RASEF: variants seen among roughly 807,000 people sequenced by gnomAD.
The protein encoded by RASEF is RAS and EF-hand domain containing, also known as ras and EF-hand domain-containing protein.
Under a neutral mutation model 90.1 loss-of-function variants are expected in RASEF, and 68 were observed. That is an observed-to-expected ratio of 0.75 (90% CI 0.62 to 0.92). The LOEUF is 0.92. Ranked by LOEUF, RASEF falls within the 40% of genes least tolerant of loss-of-function variation. The pLI is 0.00. For missense variants in RASEF, 949 were observed against 937.2 expected (o/e 1.01, Z -0.16); for synonymous variants, 331 against 345.2 (o/e 0.96, Z 0.46).
At chr9:83,027,303 A>T (rs1171210436) in intron 1 of RASEF, among the ~76,000 whole-genome samples, 2 of 152,124 alleles carry the variant, frequency 1.3e-5, no homozygotes, top group Admixed American at 1.3e-4. Context: ...TGATTACCTC[A>T]ATCTTCAGCT....
the RASEF span, among the ~76,000 whole-genome samples, chr9:83,212,428 A>G: frequency 6.6e-6 from 1 of 152,256 alleles, no homozygotes; most frequent in African/African-American, 2.4e-5. Context: ...TGGTCTGCCC[A>G]TGGAAAAGAA....
intron 1 of RASEF, 60 bp downstream of exon 1, chr9:83,062,377 G>C: frequency 1.3e-6 from 2 of 1,558,638 alleles, no homozygotes; most frequent in Non-Finnish European, 1.8e-6. Context: ...CTGCAAGTAA[G>C]TGGGAAGAAG....
At chr9:83,089,358 T>C in the RASEF span, among the ~76,000 whole-genome samples, 203 of 152,272 alleles carry the variant, frequency 1.3e-3, 8 homozygotes, top group East Asian at 0.037. Context: ...TATTTACCTA[T>C]GTAGTTACCT....
At position 83,062,823 on chromosome 9, in the gene RASEF, T is replaced by A; in HGVS notation, c.45A>T (p.Ser15=). 1 of 1,552,692 alleles carries A rather than the reference T, an allele frequency of 6.4e-7. No homozygotes were observed. The highest frequency in any genetic ancestry group is 8.6e-7 in the Non-Finnish European group (1 of 1,160,362). ...GDGEELARLR[S]VFAACDANRS... The stretch of plus-strand genomic sequence containing the variant: ...GGTTCGCGTCGCAGGCGGCGAAGAC[T>A]GAGCGCAGCCGGGCCAGCTCCTCTC... The change falls in exon 1 of 17, where the codon TCA becomes TCT. Residue 15 remains serine (S), a synonymous_variant. Coordinates refer to ENST00000376447, the MANE Select transcript of RASEF (RefSeq NM_152573.4).
At chr9:83,087,106 AAAG>A in the RASEF span, among the ~76,000 whole-genome samples, 1 of 152,206 alleles carries the variant, frequency 6.6e-6, no homozygotes. Context: ...ACCCAATAAG[AAAG>A]AAGTAGATGT....
chr9:83,166,400 G>T, the RASEF span, among the ~76,000 whole-genome samples: 1 of 152,108 alleles, frequency 6.6e-6, no homozygotes, highest in Non-Finnish European at 1.5e-5. Flanking sequence ...CTCCTGGCAA[G>T]AACTCTTAAT....
the RASEF span, among the ~76,000 whole-genome samples, chr9:83,084,970 G>A: frequency 6.6e-6 from 1 of 152,112 alleles, no homozygotes; most frequent in Non-Finnish European, 1.5e-5. Flanking sequence ...GAGCTGCATT[G>A]CTACACCTAG....
the RASEF span, among the ~76,000 whole-genome samples, chr9:83,133,791 C>T: frequency 1.3e-5 from 2 of 152,142 alleles, no homozygotes; most frequent in Non-Finnish European, 2.9e-5. Context: ...ATCAATAATA[C>T]TGATTTTCCC....
chr9:83,079,133 T>C, the RASEF span, among the ~76,000 whole-genome samples: 2 of 152,344 alleles, frequency 1.3e-5, 1 homozygote, highest in South Asian at 4.1e-4. Context: ...TGCCCATTCC[T>C]AGGTCCAGAA....
the RASEF span, among the ~76,000 whole-genome samples, chr9:83,186,112 G>A: frequency 1.8e-3 from 279 of 152,262 alleles, 2 homozygotes; most frequent in African/African-American, 6.5e-3. Context: ...TGAAACTAAC[G>A]GGAGTGGCTG....
chr9:83,124,520 G>A, the RASEF span, among the ~76,000 whole-genome samples: 22 of 152,110 alleles, frequency 1.4e-4, no homozygotes, highest in Admixed American at 5.2e-4. Flanking sequence ...AGATTTCAGG[G>A]TTAAGATGGT....
intron 1 of RASEF, among the ~76,000 whole-genome samples, chr9:83,055,935 C>T (rs2117888625): frequency 6.6e-6 from 1 of 152,222 alleles, no homozygotes; most frequent in East Asian, 1.9e-4. Flanking sequence ...TTCCACATCC[C>T]AGGTCCTTCA....
the RASEF span, among the ~76,000 whole-genome samples, chr9:83,212,100 G>A: frequency 6.6e-6 from 1 of 152,258 alleles, no homozygotes; most frequent in South Asian, 2.1e-4. Context: ...TCAGGGTCCA[G>A]TGAGAGATAT....
intron 1 of RASEF, among the ~76,000 whole-genome samples, chr9:83,038,783 T>C (rs1011342746): frequency 6.6e-6 from 1 of 152,222 alleles, no homozygotes; most frequent in Non-Finnish European, 1.5e-5. Context: ...TAAAATTATA[T>C]AATTTAAAGT....
chr9:82,982,811 G>A (rs527298340), intron 16 of RASEF, 29 bp from the exon 17 acceptor site: 68 of 484,072 alleles, frequency 1.4e-4, no homozygotes, highest in Middle Eastern at 9.8e-4. Flanking sequence ...GAGACAGAGA[G>A]AGAGAGAGAG....
chr9:83,180,495 TC>T, the RASEF span, among the ~76,000 whole-genome samples: 1 of 151,654 alleles, frequency 6.6e-6, no homozygotes, highest in Non-Finnish European at 1.5e-5. Flanking sequence ...TTTTTTTTTT[TC>T]AAAACATGAC....
chr9:83,144,412 G>GAAAGAAAGA, the RASEF span, among the ~76,000 whole-genome samples: 12 of 122,854 alleles, frequency 9.8e-5, no homozygotes, highest in African/African-American at 2.5e-4. Context: ...AAGAAAGAAA[G>GAAAGAAAGA]AAAGAAAAGA....
the RASEF span, among the ~76,000 whole-genome samples, chr9:83,119,321 A>T: frequency 6.6e-6 from 1 of 152,000 alleles, no homozygotes; most frequent in Non-Finnish European, 1.5e-5. Flanking sequence ...ACCTGGCCCA[A>T]GAAAGCTCAA....
chr9:83,000,547 C>T lies in RASEF; in HGVS notation c.1461G>A (p.Glu487=). ...DTDVPDIRDE[E]TFGLEDVASV... ...AAGCCACATCTTCTAAACCAAATGT[C>T]TCTTCATCCCTTATGTCAGGAACCT... The change falls in exon 11 of 17, where the codon GAG becomes GAA. Residue 487 remains glutamate (E), a synonymous_variant. Transcript: ENST00000376447. 5 of 1,606,492 alleles carry T rather than the reference C, an allele frequency of 3.1e-6. No individual in the cohort carries two copies. The highest frequency in any genetic ancestry group is 3.4e-6 in the Non-Finnish European group (4 of 1,177,910).
Sources: gnomAD v4.1 joint callset for allele counts (sites outside exome capture counted in the v4.1 genomes callset) on GRCh38, gnomAD v4.1.1 for gene constraint, MANE v1.5 for transcripts, NCBI Gene and HGNC (gene_info 2026-07-23, HGNC 2026-07-21) for gene names.